Variants in MDGA2 observed in about 807,000 individuals in gnomAD.
The protein encoded by MDGA2 is MAM domain-containing glycosylphosphatidylinositol anchor protein 2.
Under a neutral mutation model 117.8 loss-of-function variants are expected in MDGA2, and 40 were observed. The observed-to-expected ratio is 0.34, with a 90% CI of 0.26 to 0.44. MDGA2 has a LOEUF of 0.44. MDGA2 is among the 20% of genes least tolerant of loss of function. MDGA2 has a pLI of 1.00. For missense variants in MDGA2, 1,123 were observed against 1,250.6 expected (o/e 0.90, Z 1.54); for synonymous variants, 452 against 439.0 (o/e 1.03, Z -0.37).
intron 9 of MDGA2, among the ~76,000 whole-genome samples, chr14:46,954,692 G>T (rs527506726): frequency 6.6e-6 from 1 of 151,986 alleles, no homozygotes; most frequent in South Asian, 2.1e-4. Context: ...TTCAAGATAA[G>T]TTCCTTCTCT....
At chr14:47,482,620 G>A (rs1893977373) in intron 1 of MDGA2, among the ~76,000 whole-genome samples, 1 of 151,904 alleles carries the variant, frequency 6.6e-6, no homozygotes, top group African/African-American at 2.4e-5. Flanking sequence ...TATACTACAA[G>A]GAAACCTGTG....
intron 1 of MDGA2, among the ~76,000 whole-genome samples, chr14:47,387,614 A>T (rs1891791388): frequency 6.6e-6 from 1 of 152,226 alleles, no homozygotes. Flanking sequence ...TTAGTAAATC[A>T]ACCAAGATAC....
chr14:46,913,596 T>A (rs974941049), intron 10 of MDGA2, among the ~76,000 whole-genome samples: 75 of 152,180 alleles, frequency 4.9e-4, no homozygotes, highest in African/African-American at 1.7e-3. Flanking sequence ...TATCCAACAA[T>A]CAATTGTATC....
intron 6 of MDGA2, among the ~76,000 whole-genome samples, chr14:47,073,856 C>T (rs949492083): frequency 2.6e-5 from 4 of 152,170 alleles, no homozygotes; most frequent in African/African-American, 9.7e-5. Flanking sequence ...TCTCACGTTC[C>T]TTCAAAATGT....
At chr14:47,051,774 T>C (rs1310924778) in intron 7 of MDGA2, among the ~76,000 whole-genome samples, 1 of 151,936 alleles carries the variant, frequency 6.6e-6, no homozygotes, top group Non-Finnish European at 1.5e-5. Context: ...ATGAAACTGT[T>C]AGCCTGTGGA....
intron 2 of MDGA2, among the ~76,000 whole-genome samples, chr14:47,225,162 A>G (rs556990637): frequency 6.6e-6 from 1 of 152,194 alleles, no homozygotes; most frequent in East Asian, 1.9e-4. Flanking sequence ...TCAGGAAACA[A>G]CAGGTGCTGG....
rs146641668 is a variant in MDGA2 at position 47,648,455 on chromosome 14, T to C, written c.280+26062A>G. On this transcript the variant is annotated intron_variant, in intron 1 of 16. Coordinates refer to ENST00000399232, the MANE Select transcript of MDGA2 (RefSeq NM_001113498.3). ...ACCATTTTTATAGTTCTTTGAGTGT[T>C]TCCCTCAATGACTAGAAAGTAGCCT... is the stretch of plus-strand genomic sequence containing the variant. Among the ~76,000 whole-genome samples, 792 of 152,258 alleles carry C rather than the reference T, an allele frequency of 5.2e-3. 3 individuals are homozygous for C. Among genetic ancestry groups the C allele is most frequent in the Non-Finnish European group, 7.2e-3 (490 of 68,014 alleles).
intron 1 of MDGA2, among the ~76,000 whole-genome samples, chr14:47,451,741 G>C (rs761348093): frequency 1.3e-5 from 2 of 152,050 alleles, no homozygotes; most frequent in South Asian, 4.1e-4. Flanking sequence ...GTCCTGCCCA[G>C]TGGATTTTTT....
chr14:46,936,892 G>A (rs548771873), intron 9 of MDGA2, among the ~76,000 whole-genome samples: 1 of 151,708 alleles, frequency 6.6e-6, no homozygotes, highest in East Asian at 1.9e-4. Flanking sequence ...ACAAGACAAG[G>A]ATGCCCACTC....
At chr14:47,381,576 C>A (rs1339309104) in intron 1 of MDGA2, among the ~76,000 whole-genome samples, 1 of 152,100 alleles carries the variant, frequency 6.6e-6, no homozygotes, top group African/African-American at 2.4e-5. Flanking sequence ...AACAGACAAA[C>A]AGAGAGCCAA....
At chr14:47,148,378 A>G (rs1051976683) in intron 3 of MDGA2, among the ~76,000 whole-genome samples, 1 of 152,174 alleles carries the variant, frequency 6.6e-6, no homozygotes, top group African/African-American at 2.4e-5. Context: ...GCAGCATATA[A>G]TAATGGTCAT....
chr14:46,926,482 C>T (rs1427459684), intron 9 of MDGA2, among the ~76,000 whole-genome samples: 3 of 150,684 alleles, frequency 2.0e-5, no homozygotes, highest in Non-Finnish European at 2.9e-5. Context: ...ATACATATAG[C>T]CAAACGATTT....
intron 9 of MDGA2, among the ~76,000 whole-genome samples, chr14:46,954,550 G>C (rs770736654): frequency 7.2e-5 from 11 of 151,896 alleles, no homozygotes; most frequent in Non-Finnish European, 1.2e-4. Context: ...CCAGCTTCTT[G>C]TGGCTCCAGG....
chr14:47,485,644 A>C (rs1894044925), intron 1 of MDGA2, among the ~76,000 whole-genome samples: 1 of 152,122 alleles, frequency 6.6e-6, no homozygotes, highest in African/African-American at 2.4e-5. Flanking sequence ...GCCTAAGAGG[A>C]AAAGTGGTTT....
At chr14:46,858,994 G>C (rs1400128475) in intron 14 of MDGA2, among the ~76,000 whole-genome samples, 1 of 152,090 alleles carries the variant, frequency 6.6e-6, no homozygotes, top group Admixed American at 6.5e-5. Flanking sequence ...TATAGGCTTG[G>C]TTTTCCACTA....
At chr14:47,277,494 T>C (rs1326019827) in intron 2 of MDGA2, among the ~76,000 whole-genome samples, 1 of 152,160 alleles carries the variant, frequency 6.6e-6, no homozygotes, top group African/African-American at 2.4e-5. Flanking sequence ...GCAACAAATA[T>C]AAAATACATA....
intron 3 of MDGA2, among the ~76,000 whole-genome samples, chr14:47,174,065 T>G (rs998044637): frequency 5.9e-5 from 9 of 152,106 alleles, no homozygotes; most frequent in African/African-American, 1.9e-4. Flanking sequence ...CATTACATAA[T>G]GGTAAAGGGA....
intron 5 of MDGA2, among the ~76,000 whole-genome samples, chr14:47,109,330 C>T (rs1437149396): frequency 6.6e-6 from 1 of 152,154 alleles, no homozygotes; most frequent in Non-Finnish European, 1.5e-5. Context: ...TTATCATGCT[C>T]AAATAACAAT....
intron 5 of MDGA2, among the ~76,000 whole-genome samples, chr14:47,130,436 G>A (rs1882145122): frequency 6.6e-6 from 1 of 152,004 alleles, no homozygotes; most frequent in South Asian, 2.1e-4. Flanking sequence ...CTCCATTGCT[G>A]AACCATAGGA....
Sources: gnomAD v4.1 joint callset for allele counts (sites outside exome capture counted in the v4.1 genomes callset) on GRCh38, gnomAD v4.1.1 for gene constraint, MANE v1.5 for transcripts, NCBI Gene and HGNC (gene_info 2026-07-23, HGNC 2026-07-21) for gene names.